The following NEK10 variants were observed in gnomAD, a reference collection of about 807,000 sequenced individuals.
NEK10 encodes the protein NIMA related kinase 10.
In NEK10, 122 loss-of-function variants were observed where a neutral mutation model predicts 159.8. That is an observed-to-expected ratio of 0.76 (90% confidence interval 0.66 to 0.89). The LOEUF (loss-of-function observed/expected upper bound fraction) is 0.89. NEK10 is among the 40% of genes least tolerant of loss of function. The pLI, the probability that NEK10 is intolerant of heterozygous loss-of-function variation, is 0.00. For missense variants in NEK10, 1,342 were observed against 1,323.1 expected, an observed-to-expected ratio of 1.01 and a Z score of -0.22; for synonymous variants, 466 against 457.1, an observed-to-expected ratio of 1.02 and a Z score of -0.25.
At chr3:27,272,993 G>A (rs1487674626) in intron 22 of NEK10, among the ~76,000 whole-genome samples, 3 of 152,052 alleles carry the variant, frequency 2.0e-5, no homozygotes, top group African/African-American at 7.2e-5. Flanking sequence ...AAGGAAAACA[G>A]CTGATTGGGA....
intron 20 of NEK10, 145 bp downstream of exon 20, chr3:27,287,553 T>C (rs1453001771): frequency 5.4e-6 from 4 of 737,538 alleles, no homozygotes; most frequent in Non-Finnish European, 8.2e-6. Flanking sequence ...GTCAAGAAAG[T>C]GATGCTTAAG....
intron 5 of NEK10, among the ~76,000 whole-genome samples, chr3:27,330,561 G>A (rs1441532682): frequency 2.0e-5 from 3 of 152,186 alleles, no homozygotes; most frequent in Non-Finnish European, 4.4e-5. Context: ...GGTATAAATA[G>A]TAAGTTTTCA....
chr3:27,346,071 T>C lies in NEK10; in HGVS notation c.263+15A>G, dbSNP rs771926002. 6.2e-7 allele frequency: 1 copy of C among 1,612,896 alleles called. No homozygotes were observed. Among genetic ancestry groups the C allele is most frequent in the South Asian group, 1.1e-5 (1 of 91,048 alleles). ...AATAAGTTGCTGAAGACGAAGGAGATGCTGGATTTCTTACCTAAAATTTTC... is the reference window on the plus strand; with the variant it reads ...AATAAGTTGCTGAAGACGAAGGAGACGCTGGATTTCTTACCTAAAATTTTC... On this transcript the variant is annotated intron_variant, in intron 4 of 35. Transcript: ENST00000691995.
chr3:27,121,843 A>G (rs1941361999), intron 32 of NEK10, among the ~76,000 whole-genome samples: 1 of 152,132 alleles, frequency 6.6e-6, no homozygotes, highest in Non-Finnish European at 1.5e-5. Context: ...AGCTAGAAAT[A>G]TTCTATATAT....
chr3:27,175,174 A>G (rs1301807622), intron 26 of NEK10, among the ~76,000 whole-genome samples: 2 of 152,176 alleles, frequency 1.3e-5, no homozygotes, highest in Admixed American at 6.5e-5. Flanking sequence ...AGTTTTTTCA[A>G]AAACATTTGC....
At chr3:27,302,118 C>T (rs1004144359) in intron 12 of NEK10, among the ~76,000 whole-genome samples, 1 of 152,194 alleles carries the variant, frequency 6.6e-6, no homozygotes, top group African/African-American at 2.4e-5. Flanking sequence ...AGTTGATTCA[C>T]CTGAATACAT....
At chr3:27,326,375 ATTAC>A (rs2149683033) in intron 5 of NEK10, among the ~76,000 whole-genome samples, 1 of 152,306 alleles carries the variant, frequency 6.6e-6, no homozygotes, top group African/African-American at 2.4e-5. Flanking sequence ...TTGAATGCTA[ATTAC>A]TTTTCATTAT....
chr3:27,178,293 G>A (rs1363269202), intron 26 of NEK10, among the ~76,000 whole-genome samples: 2 of 152,084 alleles, frequency 1.3e-5, no homozygotes, highest in African/African-American at 2.4e-5. Flanking sequence ...AAAATTAAGG[G>A]CATCTATTTT....
At chr3:27,143,798 G>A (rs1465144524) in intron 30 of NEK10, among the ~76,000 whole-genome samples, 2 of 152,178 alleles carry the variant, frequency 1.3e-5, no homozygotes, top group Non-Finnish European at 2.9e-5. Flanking sequence ...TCAGAGGGGT[G>A]TGTTGACTTC....
Position 27,215,667 on chromosome 3 carries a change from GCA to G in NEK10, c.2091-13112_2091-13111del, listed in dbSNP as rs1951438640. 12 of 607,222 alleles carry G rather than the reference GCA, an allele frequency of 2.0e-5. No homozygotes were observed. The South Asian group carries it at 2.5e-4, about 12-fold the overall frequency. The allele number at this position is 607,222 out of a possible 1,614,324, so 37.6% of individuals were successfully genotyped here. On this transcript the variant is annotated intron_variant, in intron 23 of 35. Transcript: ENST00000691995. ...TTAAAGAGTGTATGAATCCGTTCTTGCACTACTACAAAGAAATACCTGAGACT... is the reference window on the plus strand; with the variant it reads ...TTAAAGAGTGTATGAATCCGTTCTTGCTACTACAAAGAAATACCTGAGACT...
chr3:27,112,359 A>C (rs748338793), intron 35 of NEK10, among the ~76,000 whole-genome samples: 1 of 152,228 alleles, frequency 6.6e-6, no homozygotes, highest in Non-Finnish European at 1.5e-5. Context: ...GGCTGGCTAG[A>C]TGATGTGTGT....
intron 22 of NEK10, among the ~76,000 whole-genome samples, chr3:27,267,115 A>AC (rs1477908943): frequency 2.6e-5 from 4 of 152,220 alleles, no homozygotes; most frequent in African/African-American, 9.6e-5. Context: ...TTCTACTCAT[A>AC]CCCCAGAAAA....
intron 22 of NEK10, among the ~76,000 whole-genome samples, chr3:27,267,114 T>C (rs150617355): frequency 6.6e-6 from 1 of 152,168 alleles, no homozygotes; most frequent in African/African-American, 2.4e-5. Flanking sequence ...GTTCTACTCA[T>C]ACCCCAGAAA....
intron 23 of NEK10, among the ~76,000 whole-genome samples, chr3:27,230,293 G>T (rs1953103959): frequency 6.6e-6 from 1 of 151,944 alleles, no homozygotes; most frequent in African/African-American, 2.4e-5. Context: ...AAAGGAGAGA[G>T]AAAGTCTTTT....
At chr3:27,205,038 A>T (rs1950411097) in intron 23 of NEK10, among the ~76,000 whole-genome samples, 1 of 150,908 alleles carries the variant, frequency 6.6e-6, no homozygotes, top group Admixed American at 6.6e-5. Context: ...AGTGGTTTTG[A>T]TTTGCATTTC....
At chr3:27,204,302 T>TTTTTTTTTTTTTTTTTTTTTTTG (rs1950315560) in intron 23 of NEK10, among the ~76,000 whole-genome samples, 1 of 49,892 alleles carries the variant, frequency 2.0e-5, no homozygotes, top group Non-Finnish European at 3.3e-5. Flanking sequence ...TTTGTTGTTG[T>TTTTTTTTTTTTTTTTTTTTTTTG]TTTTTTTTTT....
chr3:27,312,304 C>T, intron 7 of NEK10, 127 bp from the exon 8 acceptor site: 1 of 533,906 alleles, frequency 1.9e-6, no homozygotes, highest in South Asian at 2.8e-5. Flanking sequence ...ATAATACTCT[C>T]ATGCTCCTGG....
intron 9 of NEK10, chr3:27,309,226 C>G (rs1365711262): frequency 2.9e-5 from 8 of 273,358 alleles, no homozygotes; most frequent in Non-Finnish European, 3.4e-5. Context: ...AAGCTGCTCT[C>G]TCTTATGTTT....
chr3:27,168,887 C>T (rs923226327), intron 29 of NEK10, among the ~76,000 whole-genome samples: 4 of 152,198 alleles, frequency 2.6e-5, no homozygotes, highest in African/African-American at 9.7e-5. Context: ...ACCCCTGTTT[C>T]AATGATCTTC....
Sources: gnomAD v4.1 joint callset for allele counts (sites outside exome capture counted in the v4.1 genomes callset) on GRCh38, gnomAD v4.1.1 for gene constraint, MANE v1.5 for transcripts, NCBI Gene and HGNC (gene_info 2026-07-23, HGNC 2026-07-21) for gene names.